The following TBCK variants were observed in gnomAD, a reference collection of about 807,000 sequenced individuals.
The protein encoded by TBCK is TBC1 domain containing kinase.
In TBCK, 99 loss-of-function variants were observed where a neutral mutation model predicts 113.4. The observed-to-expected ratio is 0.87, with a 90% CI of 0.74 to 1.03. The LOEUF (loss-of-function observed/expected upper bound fraction) is 1.03, where lower values mean the gene tolerates loss of function less well. Among genes scored for constraint, TBCK ranks in the 50% least tolerant of loss-of-function variants. The probability of loss-of-function intolerance (pLI) is 0.00; values close to 1 mark genes in which losing one functional copy is unlikely to be tolerated. For missense variants in TBCK, 1,045 were observed against 1,061.3 expected (o/e 0.98, Z 0.21); for synonymous variants, 369 against 370.8 (o/e 1.00, Z 0.05).
rs1398788989 is a variant in TBCK at position 106,141,822 on chromosome 4, A to T, written c.2236-25444T>A. On this transcript the variant is annotated intron_variant, in intron 23 of 25. Coordinates refer to ENST00000394708, the MANE Select transcript of TBCK (RefSeq NM_001163435.3). ...TTCATTTAGCTATAAGTTTAATTCAATCACAATACTAAAATAATTTTTCCC... is the reference window on the plus strand; with the variant it reads ...TTCATTTAGCTATAAGTTTAATTCATTCACAATACTAAAATAATTTTTCCC... Among the ~76,000 whole-genome samples, 4 of 141,256 alleles carry T rather than the reference A, an allele frequency of 2.8e-5. 1 individual carries two copies. Among genetic ancestry groups the T allele is most frequent in the African/African-American group, 5.0e-5 (2 of 40,042 alleles). The allele number at this position is 141,256 out of a possible 152,430, so 92.7% of individuals were successfully genotyped here.
chr4:106,087,234 G>A (rs1205746360), intron 25 of TBCK, among the ~76,000 whole-genome samples: 3 of 152,162 alleles, frequency 2.0e-5, no homozygotes, highest in Non-Finnish European at 4.4e-5. Context: ...CTTCAGTAAA[G>A]TCTCAGAATA....
At chr4:106,268,890 T>C (rs896194293) in intron 3 of TBCK, among the ~76,000 whole-genome samples, 7 of 152,088 alleles carry the variant, frequency 4.6e-5, no homozygotes, top group African/African-American at 1.7e-4. Context: ...AAATCATTCA[T>C]GTATAAGTGA....
At chr4:106,204,375 G>A (rs922202872) in intron 20 of TBCK, among the ~76,000 whole-genome samples, 1 of 152,108 alleles carries the variant, frequency 6.6e-6, no homozygotes, top group Non-Finnish European at 1.5e-5. Flanking sequence ...AGGCCCTGGC[G>A]GTCCTTAAGT....
chr4:106,117,970 C>A (rs565411420), intron 23 of TBCK, among the ~76,000 whole-genome samples: 140 of 150,374 alleles, frequency 9.3e-4, no homozygotes, highest in East Asian at 7.9e-4. Context: ...CATAGTGCCA[C>A]TGCACTCCAG....
chr4:106,070,509 T>A lies in TBCK; in HGVS notation c.2572-23829A>T, dbSNP rs141517573. 5.2e-3 allele frequency among the ~76,000 whole-genome samples: 787 copies of A among 152,290 alleles called. 4 individuals are homozygous for A. Among genetic ancestry groups the A allele is most frequent in the African/African-American group, 0.017 (692 of 41,564 alleles). On this transcript the variant is annotated intron_variant, in intron 25 of 25. Transcript: ENST00000394708. ...ATGAAGCCGACTTGATCTTGGTGGA[T>A]AAGCTTTTTGATATGCTGCTGGATT...
At chr4:106,248,599 A>G (rs1245462082) in intron 8 of TBCK, among the ~76,000 whole-genome samples, 2 of 152,174 alleles carry the variant, frequency 1.3e-5, no homozygotes, top group Non-Finnish European at 1.5e-5. Flanking sequence ...TTAATGGCCA[A>G]TGTGATGGTA....
Position 106,185,412 on chromosome 4 carries a change from G to A in TBCK, c.2059+8197C>T, listed in dbSNP as rs544282740. On this transcript the variant is annotated intron_variant, in intron 22 of 25. Transcript: ENST00000394708. Reference sequence around the variant, plus strand: ...CCATATCATTAACTGTATATTAATTGTTGTACAGCAGATCCCTAGAAATTA... The same window carrying A: ...CCATATCATTAACTGTATATTAATTATTGTACAGCAGATCCCTAGAAATTA... Among the ~76,000 whole-genome samples the A allele has an allele frequency of 5.3e-5, 8 of 151,976 alleles. No homozygotes were observed. In the East Asian group the frequency reaches 1.6e-3, roughly 29 times the overall value.
At chr4:106,181,358 A>C (rs1321788069) in intron 22 of TBCK, among the ~76,000 whole-genome samples, 1 of 152,122 alleles carries the variant, frequency 6.6e-6, no homozygotes, top group Non-Finnish European at 1.5e-5. Context: ...GCTGTGCAGA[A>C]GCTCTTTAGT....
chr4:106,307,978 C>T (rs1308420892), intron 2 of TBCK, among the ~76,000 whole-genome samples: 9 of 151,962 alleles, frequency 5.9e-5, no homozygotes, highest in Non-Finnish European at 8.8e-5. Flanking sequence ...AAAAAATCTA[C>T]TGACTCCCTT....
At chr4:106,053,433 T>C (rs1419516145) in intron 25 of TBCK, among the ~76,000 whole-genome samples, 1 of 151,606 alleles carries the variant, frequency 6.6e-6, no homozygotes, top group Non-Finnish European at 1.5e-5. Flanking sequence ...CTTCAAAACT[T>C]TCTTCCATTA....
chr4:106,151,654 G>A (rs1748498025), intron 23 of TBCK, among the ~76,000 whole-genome samples: 1 of 151,958 alleles, frequency 6.6e-6, no homozygotes, highest in Non-Finnish European at 1.5e-5. Context: ...AATAGGGATT[G>A]CATTAAATCT....
At chr4:106,275,198 G>C (rs986649920) in intron 3 of TBCK, among the ~76,000 whole-genome samples, 17 of 152,078 alleles carry the variant, frequency 1.1e-4, no homozygotes, top group African/African-American at 3.9e-4. Flanking sequence ...TCTCAATAGA[G>C]ATTCAAAAAC....
chr4:106,073,513 G>GT (rs1398288063), intron 25 of TBCK, among the ~76,000 whole-genome samples: 2 of 152,182 alleles, frequency 1.3e-5, no homozygotes, highest in African/African-American at 4.8e-5. Flanking sequence ...GCACCTGGGT[G>GT]TATGAGGTGT....
intron 22 of TBCK, chr4:106,182,420 TGA>T (rs1415565712): frequency 6.6e-6 from 1 of 152,154 alleles, no homozygotes; most frequent in African/African-American, 2.4e-5. Flanking sequence ...ATAGGAGTGG[TGA>T]GAGAGGGCAT....
At chr4:106,203,218 C>T (rs1248945044) in intron 20 of TBCK, among the ~76,000 whole-genome samples, 2 of 151,256 alleles carry the variant, frequency 1.3e-5, no homozygotes, top group East Asian at 3.9e-4. Context: ...TGATGGATAT[C>T]CTTCAGGCTC....
intron 3 of TBCK, among the ~76,000 whole-genome samples, chr4:106,292,056 T>C (rs1470867689): frequency 6.6e-6 from 1 of 152,170 alleles, no homozygotes; most frequent in Admixed American, 6.6e-5. Flanking sequence ...AATGATTAAA[T>C]ATCAGAGAAA....
intron 22 of TBCK, among the ~76,000 whole-genome samples, chr4:106,174,060 C>T (rs989608111): frequency 6.6e-6 from 1 of 152,026 alleles, no homozygotes; most frequent in African/African-American, 2.4e-5. Flanking sequence ...ATGATAAACA[C>T]AACCATTTGG....
chr4:106,212,187 T>C (rs889377915), intron 20 of TBCK, among the ~76,000 whole-genome samples: 2 of 152,184 alleles, frequency 1.3e-5, no homozygotes, highest in African/African-American at 4.8e-5. Context: ...AATAATTGTA[T>C]ACATTTATTG....
chr4:106,052,839 T>A (rs1018132233), intron 25 of TBCK, among the ~76,000 whole-genome samples: 11 of 151,732 alleles, frequency 7.2e-5, no homozygotes, highest in African/African-American at 2.7e-4. Flanking sequence ...AATTGTAACT[T>A]GTAGCTAAAT....
Sources: allele counts gnomAD v4.1 joint callset (sites outside exome capture counted in the v4.1 genomes callset), GRCh38; gene constraint gnomAD v4.1.1; transcripts MANE v1.5; gene names NCBI Gene and HGNC (gene_info 2026-07-23, HGNC 2026-07-21).